F5: variants seen among roughly 807,000 people sequenced by gnomAD.
F5 encodes the protein coagulation factor V, also known as activated protein c cofactor.
F5 carries 138 observed loss-of-function variants against 216.4 expected under a neutral mutation model. The observed-to-expected ratio is 0.64, with a 90% CI of 0.56 to 0.73. The LOEUF (loss-of-function observed/expected upper bound fraction) is 0.73. Ranked by LOEUF, F5 falls within the 30% of genes least tolerant of loss-of-function variation. The probability of loss-of-function intolerance (pLI) is 0.00; values close to 1 mark genes in which losing one functional copy is unlikely to be tolerated. For missense variants in F5, 2,403 were observed against 2,674.0 expected (o/e 0.90, Z 2.24); for synonymous variants, 916 against 930.7 (o/e 0.98, Z 0.29).
chr1:169,561,396 C>A (rs1660483411), intron 3 of F5, among the ~76,000 whole-genome samples: 1 of 151,962 alleles, frequency 6.6e-6, no homozygotes. Flanking sequence ...CTTTGTGCAC[C>A]CAAAGACACA....
In F5 at chr1:169,513,753, A is replaced by T. The variant is rs780041368; in HGVS notation, c.*560T>A. 5.2e-4 allele frequency among the ~76,000 whole-genome samples: 79 copies of T among 152,206 alleles called. No individual in the cohort carries two copies. The highest frequency in any genetic ancestry group is 1.8e-3 in the African/African-American group (74 of 41,554). On this transcript the variant is annotated 3_prime_UTR_variant, in exon 25 of 25. Transcript: ENST00000367797. ...TTAGGGAGACCAGGACGGATTCACA[A>T]TTTCAATGGGGCTACTGGAAAGATG...
At chr1:169,561,249 T>C (rs1342387329) in intron 3 of F5, among the ~76,000 whole-genome samples, 2 of 150,780 alleles carry the variant, frequency 1.3e-5, no homozygotes, top group Non-Finnish European at 2.9e-5. Context: ...TTGTTTTATC[T>C]CTTTATTTCA....
chr1:169,524,928 A>C lies in F5; in HGVS notation c.5717-20T>G. The C allele has an allele frequency of 1.3e-6, 2 of 1,599,180 alleles. No individual in the cohort carries two copies. Among genetic ancestry groups the C allele is most frequent in the Non-Finnish European group, 1.7e-6 (2 of 1,167,160 alleles). On this transcript the variant is annotated intron_variant, in intron 18 of 24. Transcript: ENST00000367797. The stretch of plus-strand genomic sequence containing the variant: ...TACAGTCTATGAAAAACAGAAAAAA[A>C]ATGAATAATTTTTGCTTAGAAAATA...
In F5 at chr1:169,513,981, G is replaced by A. The variant is rs1659095833; in HGVS notation, c.*332C>T. The stretch of plus-strand genomic sequence containing the variant: ...ATATCTGTTTTACTAGTGTGTAAAG[G>A]ATTTAAAAGAGTTATAATGAAGCAT... On this transcript the variant is annotated 3_prime_UTR_variant, in exon 25 of 25. Coordinates refer to ENST00000367797, the MANE Select transcript of F5 (RefSeq NM_000130.5). Among the ~76,000 whole-genome samples, 1 of 152,142 alleles carries A rather than the reference G, an allele frequency of 6.6e-6. No individual in the cohort carries two copies. The highest frequency in any genetic ancestry group is 1.5e-5 in the Non-Finnish European group (1 of 67,982).
At chr1:169,574,386 C>A (rs1424573976) in intron 2 of F5, among the ~76,000 whole-genome samples, 4 of 152,138 alleles carry the variant, frequency 2.6e-5, no homozygotes, top group Non-Finnish European at 5.9e-5. Flanking sequence ...CCTTGGTGAT[C>A]TTGATGTCTT....
intron 2 of F5, among the ~76,000 whole-genome samples, chr1:169,579,154 C>G (rs1232482051): frequency 6.6e-6 from 1 of 151,778 alleles, no homozygotes; most frequent in Non-Finnish European, 1.5e-5. Context: ...ATTCACTCCT[C>G]AACACCCTGC....
Position 169,544,627 on chromosome 1 carries a change from A to ATGTTG in F5, c.1763-120_1763-119insCAACA. On this transcript the variant is annotated intron_variant, in intron 11 of 24. Coordinates refer to ENST00000367797, the MANE Select transcript of F5 (RefSeq NM_000130.5). ...GGTTGTGTCAAAGCAGTGATTATCC[A>ATGTTG]AGATAAGCTTTATCTAGTCTAACAT... is the stretch of plus-strand genomic sequence containing the variant. 5.9e-6 allele frequency: 5 copies of ATGTTG among 847,514 alleles called. No homozygotes were observed. The East Asian group carries it at 7.9e-5, about 13-fold the overall frequency. The allele number at this position is 847,514 out of a possible 1,614,324, so 52.5% of individuals were successfully genotyped here. A position where few individuals can be genotyped will look rare whatever the true frequency, so the allele number is the denominator to read the frequency against.
Position 169,518,533 on chromosome 1 carries a change from C to T in F5, c.6224G>A (p.Gly2075Glu), listed in dbSNP as rs2101803542. ...GCSTPLGMEN[G>E]KIENKQITAS... The stretch of plus-strand genomic sequence containing the variant: ...TGTGATTTGCTTGTTTTCTATCTTT[C>T]CATTTTCCATACCCAGGGGTGTGGA... Residue 2075 changes from glycine to glutamate, a missense_variant, in exon 23 of 25, where the codon GGA becomes GAA. Around this residue, in one of 4 missense-constraint regions of F5, gnomAD observed 659 missense variants for 787.9 expected, o/e 0.84. Coordinates refer to ENST00000367797, the MANE Select transcript of F5 (RefSeq NM_000130.5). The T allele has an allele frequency of 6.2e-7, 1 of 1,613,876 alleles. No homozygotes were observed. The highest frequency in any genetic ancestry group is 2.2e-5 in the East Asian group (1 of 44,862).
intron 22 of F5, 111 bp downstream of exon 22, chr1:169,520,409 C>T (rs1363592686): frequency 5.2e-6 from 7 of 1,355,552 alleles, no homozygotes; most frequent in Non-Finnish European, 7.4e-6. Context: ...AAAGGTTTTC[C>T]TAGGAGCCTA....
At chr1:169,554,525 TC>T (rs1660265469) in intron 7 of F5, among the ~76,000 whole-genome samples, 1 of 152,244 alleles carries the variant, frequency 6.6e-6, no homozygotes, top group Admixed American at 6.5e-5. Context: ...TGTACATACA[TC>T]ATTTCACCTG....
chr1:169,585,440 G>T (rs569686913), intron 1 of F5, among the ~76,000 whole-genome samples: 1 of 152,214 alleles, frequency 6.6e-6, no homozygotes, highest in African/African-American at 2.4e-5. Context: ...TAACTAACTG[G>T]AAATATTGAA....
At chr1:169,530,527 T>C (rs1422421016) in intron 15 of F5, among the ~76,000 whole-genome samples, 4 of 152,218 alleles carry the variant, frequency 2.6e-5, no homozygotes, top group Non-Finnish European at 5.9e-5. Flanking sequence ...TCTGTAAATG[T>C]AGGCATTCTA....
chr1:169,582,063 A>G (rs1571605503), intron 2 of F5, among the ~76,000 whole-genome samples: 1 of 152,324 alleles, frequency 6.6e-6, no homozygotes, highest in Middle Eastern at 3.4e-3. Context: ...ACTCAATAAC[A>G]GTTTTTTAGA....
rs370366327 is a variant in F5 at position 169,521,810 on chromosome 1, G to A, written c.6049-1146C>T. The stretch of plus-strand genomic sequence containing the variant: ...TTTTTTTAATATTTTTAGTAGAGAG[G>A]GGGTTTCACCATGTTGGTCAGGATG... On this transcript the variant is annotated intron_variant, in intron 21 of 24. Transcript: ENST00000367797. Among the ~76,000 whole-genome samples, 1,013 of 151,656 alleles carry A rather than the reference G, an allele frequency of 6.7e-3. 8 individuals carry two copies. Among genetic ancestry groups the A allele is most frequent in the African/African-American group, 0.023 (970 of 41,338 alleles).
At position 169,540,365 on chromosome 1, in the gene F5, G is replaced by A; in HGVS notation, c.4725C>T (p.Asn1575=). The A allele has an allele frequency of 6.2e-7, 1 of 1,613,946 alleles. No homozygotes were observed. Among genetic ancestry groups the A allele is most frequent in the Non-Finnish European group, 8.5e-7 (1 of 1,179,886 alleles). Residue 1575 remains asparagine (N), a synonymous_variant, in exon 13 of 25, where the codon AAC becomes AAT. Transcript: ENST00000367797. ...TGTAATAATTTCTTCTGTTTCCATT[G>A]TTGCTGCGGAGGTACCATGCTGCAA... ...DNIAAWYLRS[N]NGNRRNYYIA...
intron 3 of F5, among the ~76,000 whole-genome samples, chr1:169,562,478 T>G (rs2101834175): frequency 1.3e-5 from 2 of 152,242 alleles, no homozygotes; most frequent in South Asian, 4.1e-4. Flanking sequence ...ATGTAATTGA[T>G]GATATGGTTG....
intron 13 of F5, among the ~76,000 whole-genome samples, chr1:169,537,715 A>C (rs1298601467): frequency 8.5e-5 from 13 of 152,150 alleles, no homozygotes; most frequent in African/African-American, 2.7e-4. Context: ...ATGACCAACA[A>C]ATATATGAAA....
chr1:169,544,489 A>G lies in F5; in HGVS notation c.1782T>C (p.Pro594=). The G allele has an allele frequency of 6.2e-7, 1 of 1,614,032 alleles. No individual in the cohort carries two copies. Among genetic ancestry groups the G allele is most frequent in the South Asian group, 1.1e-5 (1 of 91,082 alleles). The change falls in exon 12 of 25, where the codon CCT becomes CCC. Residue 594 remains proline (P), a synonymous_variant. Transcript: ENST00000367797. The part of the protein sequence containing the change: ...NIMSTINGYV[P]ESITTLGFCF... Reference sequence around the variant, plus strand: ...AGAATCCAAGAGTAGTTATGCTCTCAGGCACATAGCCATTGATAGCTGAAA... The same window carrying G: ...AGAATCCAAGAGTAGTTATGCTCTCGGGCACATAGCCATTGATAGCTGAAA...
At chr1:169,577,898 A>G (rs1204685925) in intron 2 of F5, among the ~76,000 whole-genome samples, 2 of 151,934 alleles carry the variant, frequency 1.3e-5, no homozygotes, top group Admixed American at 6.6e-5. Context: ...AACAACAACA[A>G]TAGTTCATGC....
Sources: allele counts gnomAD v4.1 joint callset (sites outside exome capture counted in the v4.1 genomes callset), GRCh38; gene constraint gnomAD v4.1.1; regional missense constraint gnomAD v4.1.1; transcripts MANE v1.5; gene names NCBI Gene and HGNC (gene_info 2026-07-23, HGNC 2026-07-21).